BICD2: variants seen among roughly 807,000 people sequenced by gnomAD.
The protein encoded by BICD2 is protein bicaudal D homolog 2.
In BICD2, 25 loss-of-function variants were observed where a neutral mutation model predicts 72.9. That is an observed-to-expected ratio of 0.34 (90% CI 0.25 to 0.48). The LOEUF (loss-of-function observed/expected upper bound fraction) is 0.48, where lower values mean the gene tolerates loss of function less well. Ranked by LOEUF, BICD2 falls within the 20% of genes least tolerant of loss-of-function variation. The pLI is 0.99. For missense variants in BICD2, 894 were observed against 1,175.2 expected (o/e 0.76, Z 3.50); for synonymous variants, 501 against 516.1 (o/e 0.97, Z 0.40).
chr9:92,717,692 G>A lies in BICD2; in HGVS notation c.2258+105C>T, dbSNP rs1451140064. 3 of 1,400,226 alleles carry A rather than the reference G, an allele frequency of 2.1e-6. No homozygotes were observed. The African/African-American group carries it at 4.4e-5, about 20-fold the overall frequency. 86.7% of individuals were successfully genotyped at this position (1,400,226 alleles called of 1,614,324 possible). A position where few individuals can be genotyped will look rare whatever the true frequency, so the allele number is the denominator to read the frequency against. On this transcript the variant is annotated intron_variant, in intron 6 of 6. Coordinates refer to ENST00000356884, the MANE Select transcript of BICD2 (RefSeq NM_001003800.2). ...TGGGCACAGCCACTGACTAGTCAGGGCTGCAGGCCTCAGCATGAGGCAGTG... is the reference window on the plus strand; with the variant it reads ...TGGGCACAGCCACTGACTAGTCAGGACTGCAGGCCTCAGCATGAGGCAGTG...
intron 1 of BICD2, among the ~76,000 whole-genome samples, chr9:92,749,655 T>C (rs1378253290): frequency 6.6e-6 from 1 of 152,226 alleles, no homozygotes; most frequent in Non-Finnish European, 1.5e-5. Flanking sequence ...GGGTGCCATT[T>C]AGAGAAGATT....
intron 2 of BICD2, among the ~76,000 whole-genome samples, chr9:92,728,802 C>T (rs193140777): frequency 6.6e-6 from 1 of 152,242 alleles, no homozygotes; most frequent in African/African-American, 2.4e-5. Flanking sequence ...CAGAAGCAAG[C>T]CAGAGGCAGT....
intron 1 of BICD2, among the ~76,000 whole-genome samples, chr9:92,760,114 G>A (rs922689233): frequency 1.3e-5 from 2 of 152,176 alleles, no homozygotes; most frequent in Non-Finnish European, 2.9e-5. Flanking sequence ...AGACCAGGCA[G>A]GGCCCAGACT....
rs1587664962 is a variant in BICD2 at position 92,713,980 on chromosome 9, A to G, written c.*1174T>C. The G allele has an allele frequency of 1.0e-6, 1 of 987,636 alleles. No individual in the cohort carries two copies. The highest frequency in any genetic ancestry group is 1.2e-6 in the Non-Finnish European group (1 of 831,238). The allele number at this position is 987,636 out of a possible 1,614,324, so 61.2% of individuals were successfully genotyped here. A position where few individuals can be genotyped will look rare whatever the true frequency, so the allele number is the denominator to read the frequency against. ...CAGCTGGTCCCACAGGGTGATCGGG[A>G]AAAAAGTACTGAGAAAAGTTCTGCT... On this transcript the variant is annotated 3_prime_UTR_variant, in exon 7 of 7. Transcript: ENST00000356884.
At position 92,712,179 on chromosome 9, in the gene BICD2, T is replaced by C. The variant is rs190090718; in HGVS notation, c.*2975A>G. The C allele has an allele frequency of 3.9e-5, 6 of 152,782 alleles. No individual in the cohort carries two copies. In the East Asian group the frequency reaches 7.7e-4, roughly 20 times the overall value. 9.5% of individuals were successfully genotyped at this position (152,782 alleles called of 1,614,324 possible). A position where few individuals can be genotyped will look rare whatever the true frequency, so the allele number is the denominator to read the frequency against. ...GCTCAGCTTGTCCCAGAAGGTCCAT[T>C]TGGTTCCCAAAGCACACTCAAGGTT... On this transcript the variant is annotated 3_prime_UTR_variant, in exon 7 of 7. Coordinates refer to ENST00000356884, the MANE Select transcript of BICD2 (RefSeq NM_001003800.2).
chr9:92,714,585 G>T lies in BICD2; in HGVS notation c.*569C>A. ...GCTGCTCTTCTCTGGGCTTGGGGAA[G>T]AAATTCTGCACTTCTTTCCTGAATA... On this transcript the variant is annotated 3_prime_UTR_variant, in exon 7 of 7. Transcript: ENST00000356884. 1 of 985,594 alleles carries T rather than the reference G, an allele frequency of 1.0e-6. No homozygotes were observed. The highest frequency in any genetic ancestry group is 1.2e-6 in the Non-Finnish European group (1 of 830,066). The allele number at this position is 985,594 out of a possible 1,614,324, so 61.1% of individuals were successfully genotyped here.
rs979012435 is a variant in BICD2 at position 92,729,087 on chromosome 9, A to G, written c.390T>C (p.Asn130=). 6.8e-6 allele frequency: 11 copies of G among 1,614,020 alleles called. No individual in the cohort carries two copies. Among genetic ancestry groups the G allele is most frequent in the African/African-American group, 6.7e-5 (5 of 74,914 alleles). Residue 130 remains asparagine, a synonymous_variant, in exon 2 of 7, where the codon AAT becomes AAC. Coordinates refer to ENST00000356884, the MANE Select transcript of BICD2 (RefSeq NM_001003800.2). ...TCTCCGACTGCGTGTTGGTGAGGAC[A>G]TTGCGCAACTGCTTCAGCTCCGTCT... The part of the protein sequence containing the change: ...ELQTELKQLR[N]VLTNTQSENE...
intron 1 of BICD2, among the ~76,000 whole-genome samples, chr9:92,759,957 G>A (rs2131539117): frequency 6.6e-6 from 1 of 152,328 alleles, no homozygotes; most frequent in East Asian, 1.9e-4. Context: ...ATATGGACCT[G>A]GGCCGGATGC....
chr9:92,718,003 G>A, intron 5 of BICD2, 55 bp from the exon 6 acceptor site: 2 of 1,571,224 alleles, frequency 1.3e-6, no homozygotes, highest in Non-Finnish European at 1.7e-6. Flanking sequence ...CAGCCTAGAG[G>A]TGCTCTGGGA....
At chr9:92,729,311 G>T in intron 1 of BICD2, 75 bp from the exon 2 acceptor site, 1 of 1,473,746 alleles carries the variant, frequency 6.8e-7, no homozygotes, top group Middle Eastern at 1.8e-4. Flanking sequence ...GCTCACAGGC[G>T]ACATTCATGC....
At chr9:92,744,290 C>T (rs552977220) in intron 1 of BICD2, among the ~76,000 whole-genome samples, 4 of 152,202 alleles carry the variant, frequency 2.6e-5, no homozygotes, top group South Asian at 2.1e-4. Flanking sequence ...AAAAAAAGTA[C>T]GGTGCAACTC....
rs1403165067 is a variant in BICD2 at position 92,719,564 on chromosome 9, C to T, written c.1081G>A (p.Gly361Ser). Residue 361 changes from glycine to serine, a missense_variant, in exon 5 of 7, where the codon GGC (glycine) becomes AGC (serine). Gly to Ser is a moderately conservative substitution (Grantham distance 56). Around this residue, in one of 5 missense-constraint regions of BICD2, gnomAD observed 371 missense variants for 439.1 expected, o/e 0.84. Transcript: ENST00000356884. ...GTGTCCTGCAGCGTTGCCAGCAGGCCCGCCTTTTCCCGCTCCATCTGCAAA... is the reference window on the plus strand; with the variant it reads ...GTGTCCTGCAGCGTTGCCAGCAGGCTCGCCTTTTCCCGCTCCATCTGCAAA... ...QLMQMEREKAGLLATLQDTQK... is the reference protein window; with the variant it reads ...QLMQMEREKASLLATLQDTQK... 2 of 1,604,934 alleles carry T rather than the reference C, an allele frequency of 1.2e-6. No individual in the cohort carries two copies. Among genetic ancestry groups the T allele is most frequent in the Non-Finnish European group, 8.5e-7 (1 of 1,177,094 alleles).
rs41316958 is a variant in BICD2 at position 92,722,671 on chromosome 9, C to T, written c.591G>A (p.Val197=). 4 of 1,614,090 alleles carry T rather than the reference C, an allele frequency of 2.5e-6. No individual in the cohort carries two copies. Among genetic ancestry groups the T allele is most frequent in the Non-Finnish European group, 3.4e-6 (4 of 1,180,042 alleles). The part of the protein sequence containing the change: ...ENISLQKQVS[V]LRQNQVEFEG... ...CAAGACTCACCTGGTTCTGTCTGAG[C>T]ACAGACACTTGCTTCTGCAGGCTGA... Residue 197 remains valine, a synonymous_variant, in exon 3 of 7, where the codon GTG becomes GTA. Coordinates refer to ENST00000356884, the MANE Select transcript of BICD2 (RefSeq NM_001003800.2).
chr9:92,715,161 C>A lies in BICD2; in HGVS notation c.2561G>T (p.Cys854Phe). 6.3e-7 allele frequency: 1 copy of A among 1,590,428 alleles called. No individual in the cohort carries two copies. ...TGCGGCGCCCCACAGCCCCTAATCA[C>A]AGTAAATGCTGTGCTTCTCGCTGCA... ...VFCSEKHSIYCD is the reference protein window; with the variant it reads ...VFCSEKHSIYFD The change falls in exon 7 of 7, where the codon TGT becomes TTT. Residue 854 changes from cysteine (C) to phenylalanine (F), a missense_variant. Physicochemically the swap from Cys to Phe is radical, Grantham distance 205. This residue lies in a region of BICD2 where 321 missense variants were observed against 443.9 expected (regional missense o/e 0.72). Coordinates refer to ENST00000356884, the MANE Select transcript of BICD2 (RefSeq NM_001003800.2).
intron 1 of BICD2, among the ~76,000 whole-genome samples, chr9:92,732,038 G>T (rs1587677552): frequency 6.6e-6 from 1 of 152,238 alleles, no homozygotes; most frequent in African/African-American, 2.4e-5. Flanking sequence ...AACACATGAA[G>T]GAATACAAAA....
In BICD2 at chr9:92,719,106, G is replaced by A. The variant is rs369575401; in HGVS notation, c.1539C>T (p.Ala513=). 513 of 1,612,634 alleles carry A rather than the reference G, an allele frequency of 3.2e-4. 1 individual carries two copies. The highest frequency in any genetic ancestry group is 4.1e-4 in the Non-Finnish European group (484 of 1,179,988). ...CACTCAGGCTGCCCTGTGTCTCGCC[G>A]GCGACGTCGCTCACCTTCTTTAGCT... The part of the protein sequence containing the change: ...EKELKKVSDV[A]GETQGSLSVA... Residue 513 remains alanine (A), a synonymous_variant, in exon 5 of 7, where the codon GCC becomes GCT. Transcript: ENST00000356884.
chr9:92,731,759 G>C (rs989627604), intron 1 of BICD2, among the ~76,000 whole-genome samples: 1 of 152,218 alleles, frequency 6.6e-6, no homozygotes, highest in Non-Finnish European at 1.5e-5. Context: ...GAGGACCAGG[G>C]AGCACAGAGC....
At chr9:92,721,522 GT>G (rs1853464654) in intron 3 of BICD2, among the ~76,000 whole-genome samples, 1 of 152,218 alleles carries the variant, frequency 6.6e-6, no homozygotes, top group Non-Finnish European at 1.5e-5. Context: ...TTATTTTTCT[GT>G]AATATTTGGA....
chr9:92,745,707 T>A (rs1853996886), intron 1 of BICD2, among the ~76,000 whole-genome samples: 1 of 152,200 alleles, frequency 6.6e-6, no homozygotes, highest in African/African-American at 2.4e-5. Context: ...TTAGCTTCTC[T>A]CACAGGAGGT....
Sources: gnomAD v4.1 joint callset for allele counts (sites outside exome capture counted in the v4.1 genomes callset) on GRCh38, gnomAD v4.1.1 for gene constraint, gnomAD v4.1.1 regional missense constraint, MANE v1.5 for transcripts, NCBI Gene and HGNC (gene_info 2026-07-23, HGNC 2026-07-21) for gene names.